Variants in CNNM2 observed in about 807,000 individuals in gnomAD.
CNNM2 encodes metal transporter CNNM2.
CNNM2 carries 12 observed loss-of-function variants against 66.9 expected under a neutral mutation model. The ratio of observed to expected loss-of-function variants is 0.18; its 90% CI spans 0.11 to 0.29. CNNM2 has a LOEUF of 0.29. Among genes scored for constraint, CNNM2 ranks in the 10% least tolerant of loss-of-function variants. The probability of loss-of-function intolerance (pLI) is 1.00; values close to 1 mark genes in which losing one functional copy is unlikely to be tolerated. For missense variants in CNNM2, 705 were observed against 1,167.7 expected (o/e 0.60, Z 5.77); for synonymous variants, 557 against 501.8 (o/e 1.11, Z -1.47).
intron 1 of CNNM2, among the ~76,000 whole-genome samples, chr10:102,947,915 T>C (rs936036703): frequency 3.3e-5 from 5 of 152,092 alleles, no homozygotes; most frequent in Middle Eastern, 3.4e-3. Flanking sequence ...TAGCCGGGCG[T>C]GGTGGCAGGC....
At chr10:103,029,590 C>T (rs1361611958) in intron 1 of CNNM2, among the ~76,000 whole-genome samples, 2 of 151,464 alleles carry the variant, frequency 1.3e-5, no homozygotes, top group African/African-American at 2.4e-5. Flanking sequence ...GAGCCAGGCA[C>T]GGTGGCTCAC....
At chr10:103,053,277 G>C (rs1016150489) in intron 2 of CNNM2, among the ~76,000 whole-genome samples, 1 of 152,182 alleles carries the variant, frequency 6.6e-6, no homozygotes, top group African/African-American at 2.4e-5. Flanking sequence ...CACTTTGGGA[G>C]GCTGAGGCAG....
At chr10:103,051,619 G>A (rs1188972832) in intron 2 of CNNM2, among the ~76,000 whole-genome samples, 1 of 150,350 alleles carries the variant, frequency 6.7e-6, no homozygotes, top group Non-Finnish European at 1.5e-5. Flanking sequence ...ACGCACCTGT[G>A]ATCCCAGCTA....
Position 103,088,525 on chromosome 10 carries a change from T to A in CNNM2, c.*11345T>A, listed in dbSNP as rs2134411462. On this transcript the variant is annotated 3_prime_UTR_variant, in exon 8 of 8. Transcript: ENST00000369878. Reference sequence around the variant, plus strand: ...TCAGCCTCCTGAGTAGATGATGGGATTACAGGCATGCACCACCACGCCCAG... The same window carrying A: ...TCAGCCTCCTGAGTAGATGATGGGAATACAGGCATGCACCACCACGCCCAG... The A allele has an allele frequency of 6.6e-6, 1 of 152,624 alleles. No individual in the cohort carries two copies. The highest frequency in any genetic ancestry group is 2.1e-4 in the South Asian group (1 of 4,822). 9.5% of individuals were successfully genotyped at this position (152,624 alleles called of 1,614,324 possible).
At chr10:103,066,418 T>C (rs894491656) in intron 4 of CNNM2, among the ~76,000 whole-genome samples, 49 of 152,164 alleles carry the variant, frequency 3.2e-4, no homozygotes, top group African/African-American at 1.1e-3. Flanking sequence ...CCCTTATCAA[T>C]AGCTTCTCTA....
At chr10:102,945,045 A>T (rs2134183877) in intron 1 of CNNM2, among the ~76,000 whole-genome samples, 1 of 151,950 alleles carries the variant, frequency 6.6e-6, no homozygotes, top group South Asian at 2.1e-4. Flanking sequence ...TTAACAAGGA[A>T]TCTATGAGGT....
At position 103,077,165 on chromosome 10, in the gene CNNM2, C is replaced by T. The variant is rs752964061; in HGVS notation, c.2613C>T (p.Asn871=). 9.3e-6 allele frequency: 15 copies of T among 1,612,994 alleles called. No individual in the cohort carries two copies. Among genetic ancestry groups the T allele is most frequent in the African/African-American group, 6.7e-5 (5 of 74,928 alleles). ...THSKANHSLH[N]EGAI is the part of the protein sequence containing the mutation. ...GTAAGGCCAACCACAGCCTGCACAA[C>T]GAAGGCGCCATCTAGGCCGCGCTGG... is the stretch of plus-strand genomic sequence containing the variant. The change falls in exon 8 of 8, where the codon AAC becomes AAT. Residue 871 remains asparagine (N), a synonymous_variant. Coordinates refer to ENST00000369878, the MANE Select transcript of CNNM2 (RefSeq NM_017649.5).
intron 4 of CNNM2, among the ~76,000 whole-genome samples, chr10:103,062,282 G>T (rs2065400157): frequency 6.6e-6 from 1 of 152,122 alleles, no homozygotes; most frequent in African/African-American, 2.4e-5. Context: ...ATGGCAGGTG[G>T]CATCTTAAAA....
At position 103,087,139 on chromosome 10, in the gene CNNM2, G is replaced by GTTTTTT. The variant is rs2065826895; in HGVS notation, c.*9959_*9960insTTTTTT. 6.2e-5 allele frequency: 3 copies of GTTTTTT among 48,044 alleles called. No individual in the cohort carries two copies. Among genetic ancestry groups the GTTTTTT allele is most frequent in the Admixed American group, 3.2e-4 (1 of 3,084 alleles). The allele number at this position is 48,044 out of a possible 1,614,324, so 3.0% of individuals were successfully genotyped here. On this transcript the variant is annotated 3_prime_UTR_variant, in exon 8 of 8. Coordinates refer to ENST00000369878, the MANE Select transcript of CNNM2 (RefSeq NM_017649.5). ...CTTCTCACGGTATAAAACTCCGCAGGATTTTTTTTTTTTTTTTTTTTTTTT... is the reference window on the plus strand; with the variant it reads ...CTTCTCACGGTATAAAACTCCGCAGGTTTTTTATTTTTTTTTTTTTTTTTTTTTTTT...
At chr10:102,960,757 C>T (rs376683452) in intron 1 of CNNM2, among the ~76,000 whole-genome samples, 14 of 144,268 alleles carry the variant, frequency 9.7e-5, no homozygotes, top group African/African-American at 3.3e-4. Context: ...GTAGCTGAGA[C>T]TGTAGGTATG....
chr10:102,930,581 C>A (rs1309095378), intron 1 of CNNM2, among the ~76,000 whole-genome samples: 1 of 152,006 alleles, frequency 6.6e-6, no homozygotes, highest in Non-Finnish European at 1.5e-5. Context: ...TAAAACTCAC[C>A]CTTTTAAAGT....
At chr10:102,950,064 A>G (rs1444469824) in intron 1 of CNNM2, among the ~76,000 whole-genome samples, 1 of 152,242 alleles carries the variant, frequency 6.6e-6, no homozygotes, top group East Asian at 1.9e-4. Context: ...TTCCAGCATG[A>G]CAGCTCCTGT....
intron 1 of CNNM2, among the ~76,000 whole-genome samples, chr10:103,025,857 A>G (rs985950048): frequency 2.0e-5 from 3 of 152,226 alleles, no homozygotes; most frequent in African/African-American, 7.2e-5. Context: ...TGAAAGATTC[A>G]TCATATTTGC....
In CNNM2 at chr10:103,085,770, C is replaced by A. The variant is rs2065799954; in HGVS notation, c.*8590C>A. On this transcript the variant is annotated 3_prime_UTR_variant, in exon 8 of 8. Coordinates refer to ENST00000369878, the MANE Select transcript of CNNM2 (RefSeq NM_017649.5). ...GGGAGTACTTTTTTGTGTTAAAGCT[C>A]TACAGAGAAACTTCTGTATATATTT... 1 of 152,152 alleles carries A rather than the reference C, an allele frequency of 6.6e-6. No individual in the cohort carries two copies. The highest frequency in any genetic ancestry group is 1.5e-5 in the Non-Finnish European group (1 of 68,030). 9.4% of individuals were successfully genotyped at this position (152,152 alleles called of 1,614,324 possible).
rs777429683 is a variant in CNNM2, at chr10:103,089,797, G to A, written c.*12617G>A. On this transcript the variant is annotated 3_prime_UTR_variant, in exon 8 of 8. Coordinates refer to ENST00000369878, the MANE Select transcript of CNNM2 (RefSeq NM_017649.5). ...CTAATTGACCGTGTCAGCTGGTGCC[G>A]CTTGTAGTCAGTGTCTTTGAAATCC... 9.3e-6 allele frequency: 15 copies of A among 1,613,894 alleles called. No individual in the cohort carries two copies. Among genetic ancestry groups the A allele is most frequent in the East Asian group, 4.5e-5 (2 of 44,886 alleles).
intron 1 of CNNM2, among the ~76,000 whole-genome samples, chr10:103,041,316 G>C (rs1325271720): frequency 6.6e-6 from 1 of 152,118 alleles, no homozygotes; most frequent in Admixed American, 6.5e-5. Context: ...CTGTGTGTGT[G>C]TACCTATTCA....
At chr10:102,996,666 A>G (rs2064010232) in intron 1 of CNNM2, among the ~76,000 whole-genome samples, 1 of 152,266 alleles carries the variant, frequency 6.6e-6, no homozygotes, top group African/African-American at 2.4e-5. Context: ...CCTGGGAAAC[A>G]GAGCAAGACC....
rs576933477 is a variant in CNNM2 at position 103,018,967 on chromosome 10, T to G, written c.1622-30740T>G. Among the ~76,000 whole-genome samples the G allele has an allele frequency of 1.3e-3, 201 of 149,996 alleles. 1 individual carries two copies. The highest frequency in any genetic ancestry group is 4.7e-3 in the African/African-American group (194 of 41,254). The stretch of plus-strand genomic sequence containing the variant: ...CGCTGTACCTGGCCTGTTTACTCCT[T>G]TCTTAAAAGGATATTTACGGCCGGG... On this transcript the variant is annotated intron_variant, in intron 1 of 7. Transcript: ENST00000369878.
In CNNM2 at chr10:103,087,591, C is replaced by G. The variant is rs2065847319; in HGVS notation, c.*10411C>G. On this transcript the variant is annotated 3_prime_UTR_variant, in exon 8 of 8. Transcript: ENST00000369878. ...CTAAAAGAGACAATATGTAAATGTACTATTATAATAAGGTAGCTCTGCAGA... is the reference window on the plus strand; with the variant it reads ...CTAAAAGAGACAATATGTAAATGTAGTATTATAATAAGGTAGCTCTGCAGA... 1 of 152,142 alleles carries G rather than the reference C, an allele frequency of 6.6e-6. No homozygotes were observed. Among genetic ancestry groups the G allele is most frequent in the Admixed American group, 6.5e-5 (1 of 15,278 alleles). 9.4% of individuals were successfully genotyped at this position (152,142 alleles called of 1,614,324 possible).
Sources: allele counts gnomAD v4.1 joint callset (sites outside exome capture counted in the v4.1 genomes callset), GRCh38; gene constraint gnomAD v4.1.1; transcripts MANE v1.5; gene names NCBI Gene and HGNC (gene_info 2026-07-23, HGNC 2026-07-21).